The following RBM19 variants were observed in gnomAD, a reference collection of about 807,000 sequenced individuals.
RBM19 encodes probable RNA-binding protein 19.
A neutral mutation model predicts 116.8 loss-of-function variants in RBM19; 94 were observed. The ratio of observed to expected loss-of-function variants is 0.80; its 90% CI spans 0.68 to 0.95. RBM19 has a LOEUF of 0.95. RBM19 is among the 40% of genes least tolerant of loss of function. The pLI, the probability that RBM19 is intolerant of heterozygous loss-of-function variation, is 0.00. For missense variants in RBM19, 1,161 were observed against 1,220.7 expected (o/e 0.95, Z 0.73); for synonymous variants, 475 against 494.1 (o/e 0.96, Z 0.51).
chr12:113,870,016 T>C (rs1193167220), intron 21 of RBM19, among the ~76,000 whole-genome samples: 1 of 152,224 alleles, frequency 6.6e-6, no homozygotes. Context: ...AAACCTCTGG[T>C]ACTGGATTTA....
intron 22 of RBM19, among the ~76,000 whole-genome samples, chr12:113,852,929 C>T (rs1340349714): frequency 6.6e-6 from 1 of 152,232 alleles, no homozygotes; most frequent in Non-Finnish European, 1.5e-5. Flanking sequence ...TTACTGTGCA[C>T]ACAACACGGC....
chr12:113,827,476 C>T (rs1017249340), intron 23 of RBM19, among the ~76,000 whole-genome samples: 8 of 128,800 alleles, frequency 6.2e-5, no homozygotes, highest in Admixed American at 8.8e-5. Context: ...GCATGGGAGG[C>T]GCAGGCAGGC....
intron 16 of RBM19, among the ~76,000 whole-genome samples, chr12:113,935,501 G>C (rs776616468): frequency 3.8e-4 from 58 of 152,302 alleles, no homozygotes; most frequent in Middle Eastern, 3.4e-3. Flanking sequence ...AAACGAGCAG[G>C]AGTCGGGCTT....
intron 22 of RBM19, among the ~76,000 whole-genome samples, chr12:113,848,519 G>A (rs1186802137): frequency 6.6e-6 from 1 of 152,164 alleles, no homozygotes; most frequent in African/African-American, 2.4e-5. Flanking sequence ...ACGAGAGCTT[G>A]TTATATTTGA....
intron 23 of RBM19, among the ~76,000 whole-genome samples, chr12:113,830,933 A>G (rs1875356147): frequency 6.6e-6 from 1 of 152,186 alleles, no homozygotes; most frequent in Non-Finnish European, 1.5e-5. Flanking sequence ...GTGTAAGTGC[A>G]AAGGCTCGAG....
chr12:113,943,942 C>T (rs1361824225), intron 13 of RBM19, among the ~76,000 whole-genome samples: 3 of 152,078 alleles, frequency 2.0e-5, no homozygotes, highest in East Asian at 1.9e-4. Context: ...TCCAACTACA[C>T]ATGTGGCTCA....
chr12:113,925,845 C>T (rs1234910867), intron 17 of RBM19, among the ~76,000 whole-genome samples: 1 of 152,150 alleles, frequency 6.6e-6, no homozygotes, highest in Non-Finnish European at 1.5e-5. Context: ...ATACCAGACC[C>T]GCACCAGAAA....
chr12:113,817,034 G>A (rs991339162), exon 25 of RBM19: 1 of 152,196 alleles, frequency 6.6e-6, no homozygotes, highest in African/African-American at 2.4e-5. Flanking sequence ...ACCAAGCTCG[G>A]CTCTGTTCAC....
chr12:113,952,463 A>G (rs758066680), intron 8 of RBM19, 49 bp downstream of exon 8: 3 of 1,521,714 alleles, frequency 2.0e-6, no homozygotes, highest in Admixed American at 1.7e-5. Flanking sequence ...CCAACCTTCA[A>G]TCTTCACTGT....
chr12:113,931,423 T>C (rs937215350), intron 16 of RBM19, among the ~76,000 whole-genome samples: 3 of 152,108 alleles, frequency 2.0e-5, no homozygotes, highest in Admixed American at 2.0e-4. Flanking sequence ...AGAGTTGTTA[T>C]CTTTGCCAGC....
chr12:113,957,199 T>C (rs1418108313), intron 6 of RBM19, among the ~76,000 whole-genome samples: 1 of 152,170 alleles, frequency 6.6e-6, no homozygotes, highest in Admixed American at 6.5e-5. Flanking sequence ...CACTTTTAAC[T>C]TAGTGTTGAC....
At chr12:113,907,626 C>A (rs1352166712) in intron 21 of RBM19, among the ~76,000 whole-genome samples, 1 of 152,200 alleles carries the variant, frequency 6.6e-6, no homozygotes, top group African/African-American at 2.4e-5. Flanking sequence ...TTATTTGTAA[C>A]CCCTGTATGT....
chr12:113,963,455 A>G (rs573645782), intron 1 of RBM19, among the ~76,000 whole-genome samples: 26 of 152,340 alleles, frequency 1.7e-4, no homozygotes, highest in Non-Finnish European at 3.1e-4. Context: ...GCAAGAAGCT[A>G]GAGGCCTTGG....
chr12:113,931,961 G>T (rs960973223), intron 16 of RBM19, among the ~76,000 whole-genome samples: 1 of 152,232 alleles, frequency 6.6e-6, no homozygotes, highest in African/African-American at 2.4e-5. Context: ...CTCGAGACAG[G>T]ACCCAGTCTG....
intron 22 of RBM19, 21 bp downstream of exon 22, chr12:113,858,770 G>C (rs1435139624): frequency 5.0e-6 from 8 of 1,610,304 alleles, no homozygotes; most frequent in Non-Finnish European, 6.8e-6. Flanking sequence ...GGACAGGTGG[G>C]GAAGGGATTC....
chr12:113,939,995 CCTCCAGGGG>C lies in RBM19; in HGVS notation c.1894_1902del (p.Pro632_Glu634del). 1 of 1,614,126 alleles carries C rather than the reference CCTCCAGGGG, an allele frequency of 6.2e-7. No homozygotes were observed. Among genetic ancestry groups the C allele is most frequent in the Non-Finnish European group, 8.5e-7 (1 of 1,180,020 alleles). ...GCCAGATGCCTGAAGGCCTTGCGGGCCTCCAGGGGCTCCAGGAACTCCACGATGGCAGTG... is the reference window on the plus strand; with the variant it reads ...GCCAGATGCCTGAAGGCCTTGCGGGCCTCCAGGAACTCCACGATGGCAGTG... On this transcript the variant is annotated inframe_deletion, in exon 15 of 24. Coordinates refer to ENST00000261741, the MANE Select transcript of RBM19 (RefSeq NM_016196.4).
intron 21 of RBM19, among the ~76,000 whole-genome samples, chr12:113,882,792 G>A (rs1880241379): frequency 6.6e-6 from 1 of 152,222 alleles, no homozygotes; most frequent in South Asian, 2.1e-4. Context: ...GGAGCTCCCT[G>A]GCAGGTACCC....
intron 22 of RBM19, among the ~76,000 whole-genome samples, chr12:113,855,505 G>A (rs1329828228): frequency 4.6e-5 from 7 of 152,212 alleles, no homozygotes; most frequent in Admixed American, 3.9e-4. Flanking sequence ...TATCTTCATC[G>A]AGGGTGCCAT....
chr12:113,854,537 A>G (rs1413759761), intron 22 of RBM19, among the ~76,000 whole-genome samples: 2 of 152,158 alleles, frequency 1.3e-5, no homozygotes, highest in African/African-American at 4.8e-5. Flanking sequence ...ATGCCGGATC[A>G]TCACACCTGG....
Sources: allele counts gnomAD v4.1 joint callset (sites outside exome capture counted in the v4.1 genomes callset), GRCh38; gene constraint gnomAD v4.1.1; transcripts MANE v1.5; gene names NCBI Gene and HGNC (gene_info 2026-07-23, HGNC 2026-07-21).